The following TMC1 variants were observed in gnomAD, a reference collection of about 807,000 sequenced individuals.
TMC1 encodes transmembrane channel like 1.
A neutral mutation model predicts 105.8 loss-of-function variants in TMC1; 84 were observed. The ratio of observed to expected loss-of-function variants is 0.79; its 90% CI spans 0.67 to 0.95. The LOEUF (loss-of-function observed/expected upper bound fraction) is 0.95. TMC1 is among the 40% of genes least tolerant of loss of function. The pLI is 0.00. For missense variants in TMC1, 817 were observed against 914.1 expected, an observed-to-expected ratio of 0.89 and a Z score of 1.37; for synonymous variants, 315 against 311.5, an observed-to-expected ratio of 1.01 and a Z score of -0.12.
intron 5 of TMC1, among the ~76,000 whole-genome samples, chr9:72,668,307 G>T (rs1316421613): frequency 6.6e-6 from 1 of 152,166 alleles, no homozygotes; most frequent in African/African-American, 2.4e-5. Context: ...CATAATTTTT[G>T]AGGAGGCAGA....
intron 17 of TMC1, among the ~76,000 whole-genome samples, chr9:72,793,089 C>A (rs750768511): frequency 6.6e-6 from 1 of 152,108 alleles, no homozygotes; most frequent in African/African-American, 2.4e-5. Context: ...GCCTTCAGTC[C>A]GACACACAGA....
chr9:72,650,176 A>G (rs979189713), intron 5 of TMC1, among the ~76,000 whole-genome samples: 20 of 152,234 alleles, frequency 1.3e-4, no homozygotes, highest in African/African-American at 4.6e-4. Context: ...ACATTTGGGT[A>G]TTCTCTTCCA....
At chr9:72,595,935 G>T (rs1300893486) in intron 2 of TMC1, among the ~76,000 whole-genome samples, 1 of 150,608 alleles carries the variant, frequency 6.6e-6, no homozygotes, top group Non-Finnish European at 1.5e-5. Flanking sequence ...GGAGTGCAGT[G>T]GCGTGATCTC....
At chr9:72,596,539 T>TAAAAAAAAAAA (rs35140344) in intron 2 of TMC1, among the ~76,000 whole-genome samples, 1 of 102,250 alleles carries the variant, frequency 9.8e-6, no homozygotes, top group African/African-American at 3.6e-5. Context: ...GTTTCAATTG[T>TAAAAAAAAAAA]AAAAAAAAAA....
chr9:72,593,766 G>A (rs1033182612), intron 2 of TMC1, among the ~76,000 whole-genome samples: 4 of 151,952 alleles, frequency 2.6e-5, no homozygotes, highest in Admixed American at 6.6e-5. Flanking sequence ...GGAAACAGGC[G>A]AAAACCTAGG....
intron 5 of TMC1, among the ~76,000 whole-genome samples, chr9:72,667,789 T>G (rs1302887673): frequency 6.6e-6 from 1 of 152,238 alleles, no homozygotes; most frequent in Non-Finnish European, 1.5e-5. Context: ...CTATCAATTC[T>G]GTCAGCAGAA....
intron 5 of TMC1, among the ~76,000 whole-genome samples, chr9:72,659,611 G>T (rs992271049): frequency 2.0e-5 from 3 of 152,196 alleles, no homozygotes; most frequent in African/African-American, 7.2e-5. Context: ...TCCCGCCTGG[G>T]CAACAGAGCA....
chr9:72,572,395 A>G (rs1442970247), intron 1 of TMC1, among the ~76,000 whole-genome samples: 1 of 151,904 alleles, frequency 6.6e-6, no homozygotes, highest in East Asian at 1.9e-4. Flanking sequence ...GTATTTTGTC[A>G]TATTGGCCAG....
At chr9:72,574,002 C>T (rs930554776) in intron 1 of TMC1, among the ~76,000 whole-genome samples, 14 of 152,176 alleles carry the variant, frequency 9.2e-5, no homozygotes, top group African/African-American at 2.9e-4. Context: ...TTCATAAGTT[C>T]TCATAATTTA....
intron 12 of TMC1, among the ~76,000 whole-genome samples, chr9:72,761,368 G>A (rs1185339503): frequency 6.6e-6 from 1 of 152,182 alleles, no homozygotes; most frequent in East Asian, 1.9e-4. Flanking sequence ...ATCAGACAGT[G>A]AGATCATATG....
In TMC1 at chr9:72,652,029, G is replaced by A. The variant is rs547073695; in HGVS notation, c.16+3365G>A. Among the ~76,000 whole-genome samples, 23 of 152,190 alleles carry A rather than the reference G, an allele frequency of 1.5e-4. 1 individual carries two copies. The South Asian group carries it at 4.8e-3, about 31-fold the overall frequency. ...ATGTTTGGTTTTCCACTCCCGAGTT[G>A]CTTCACTTACAATAATAGTCTCCAA... On this transcript the variant is annotated intron_variant, in intron 5 of 23. Transcript: ENST00000297784.
rs545106951 is a variant in TMC1 at position 72,817,652 on chromosome 9, A to C, written c.1763+1442A>C. ...ACGTCGATTGTGTTCTTTCAGAGTTAAGACAACAGATTGGTCTAGAAATTT... is the reference window on the plus strand; with the variant it reads ...ACGTCGATTGTGTTCTTTCAGAGTTCAGACAACAGATTGGTCTAGAAATTT... On this transcript the variant is annotated intron_variant, in intron 19 of 23. Coordinates refer to ENST00000297784, the MANE Select transcript of TMC1 (RefSeq NM_138691.3). 2.0e-5 allele frequency among the ~76,000 whole-genome samples: 3 copies of C among 152,316 alleles called. No homozygotes were observed. In the South Asian group the frequency reaches 6.2e-4, roughly 32 times the overall value.
At chr9:72,710,892 G>A (rs140633933) in intron 8 of TMC1, among the ~76,000 whole-genome samples, 21 of 152,174 alleles carry the variant, frequency 1.4e-4, no homozygotes, top group Non-Finnish European at 2.2e-4. Flanking sequence ...CTGTCAACCC[G>A]TCATCCACAT....
chr9:72,687,243 A>G (rs1354918475), intron 5 of TMC1, among the ~76,000 whole-genome samples: 2 of 152,172 alleles, frequency 1.3e-5, no homozygotes, highest in Non-Finnish European at 2.9e-5. Context: ...GTGGGTCAGC[A>G]TTTGCTATTT....
At chr9:72,573,483 G>A (rs1218642741) in intron 1 of TMC1, among the ~76,000 whole-genome samples, 3 of 152,132 alleles carry the variant, frequency 2.0e-5, no homozygotes, top group Non-Finnish European at 2.9e-5. Context: ...TACCTACCAC[G>A]ATGACCTGGA....
At chr9:72,764,682 G>A (rs113217209) in intron 12 of TMC1, among the ~76,000 whole-genome samples, 2 of 152,126 alleles carry the variant, frequency 1.3e-5, no homozygotes, top group African/African-American at 4.8e-5. Flanking sequence ...AAAAAAAGTT[G>A]GTGTACATGA....
chr9:72,650,616 C>G (rs1249899068), intron 5 of TMC1, among the ~76,000 whole-genome samples: 1 of 151,736 alleles, frequency 6.6e-6, no homozygotes, highest in Non-Finnish European at 1.5e-5. Flanking sequence ...TGTCCAGAAC[C>G]CAATAGTTTA....
In TMC1 at chr9:72,670,006, G is replaced by T. The variant is rs116550677; in HGVS notation, c.17-18703G>T. Among the ~76,000 whole-genome samples, 1,117 of 152,222 alleles carry T rather than the reference G, an allele frequency of 7.3e-3. 21 individuals are homozygous for T. Among genetic ancestry groups the T allele is most frequent in the African/African-American group, 0.026 (1,065 of 41,536 alleles). The stretch of plus-strand genomic sequence containing the variant: ...AGAAGGGTTGCGAATGGAAACTATT[G>T]CTCTTTCTGAGTTAAGGAGAGAGAC... On this transcript the variant is annotated intron_variant, in intron 5 of 23. Coordinates refer to ENST00000297784, the MANE Select transcript of TMC1 (RefSeq NM_138691.3).
At chr9:72,685,153 C>T (rs1445457901) in intron 5 of TMC1, among the ~76,000 whole-genome samples, 1 of 135,270 alleles carries the variant, frequency 7.4e-6, no homozygotes, top group South Asian at 2.3e-4. Context: ...TTCGCCCAGG[C>T]CAGAGTGCAG....
Sources: allele counts gnomAD v4.1 joint callset (sites outside exome capture counted in the v4.1 genomes callset), GRCh38; gene constraint gnomAD v4.1.1; transcripts MANE v1.5; gene names NCBI Gene and HGNC (gene_info 2026-07-23, HGNC 2026-07-21).